ETFB: variants seen among roughly 807,000 people sequenced by gnomAD.
ETFB encodes electron transfer flavoprotein subunit beta.
ETFB carries 20 observed loss-of-function variants against 25.6 expected under a neutral mutation model. The observed-to-expected ratio is 0.78, with a 90% CI of 0.55 to 1.14. The LOEUF is 1.14. Ranked by LOEUF, ETFB falls within the 50% of genes most tolerant of loss-of-function variation. ETFB has a pLI of 0.00. For synonymous variants in ETFB, 142 were observed against 146.7 expected (o/e 0.97, Z 0.23); for missense variants, 286 against 342.6 (o/e 0.83, Z 1.30).
chr19:51,361,708 T>G (rs959256201), intron 1 of ETFB: 1 of 144,982 alleles, frequency 6.9e-6, no homozygotes, highest in South Asian at 2.3e-4. Context: ...TTTTTTTTTT[T>G]TTTTTTTTTT....
At chr19:51,364,858 A>T (rs11084074) in intron 1 of ETFB, among the ~76,000 whole-genome samples, 70,723 of 151,984 alleles carry the variant, frequency 0.47, 16,909 homozygotes, top group Non-Finnish European at 0.52. Flanking sequence ...GAGATCTGAC[A>T]GGCCTCAGTT....
At chr19:51,345,610 G>A in intron 5 of ETFB, 1 of 581,836 alleles carries the variant, frequency 1.7e-6, no homozygotes, top group Non-Finnish European at 3.1e-6. Flanking sequence ...TCCTCCTTTA[G>A]GTAACCAAAT....
chr19:51,360,270 C>A (rs1298157816), intron 1 of ETFB, among the ~76,000 whole-genome samples: 1 of 151,684 alleles, frequency 6.6e-6, no homozygotes, highest in African/African-American at 2.4e-5. Flanking sequence ...AGCGTTTTAG[C>A]ACATGCCTGT....
At chr19:51,352,033 T>C (rs1307862247) in intron 3 of ETFB, among the ~76,000 whole-genome samples, 2 of 152,006 alleles carry the variant, frequency 1.3e-5, no homozygotes, top group African/African-American at 4.8e-5. Flanking sequence ...TCAAATGAGA[T>C]GAGCTACCCC....
In ETFB at chr19:51,354,180, G is replaced by A. The variant is rs374583902; in HGVS notation, c.186C>T (p.Ile62=). The change falls in exon 2 of 6, where the codon ATC becomes ATT. Residue 62 remains isoleucine (I), a synonymous_variant. Coordinates refer to ENST00000309244, the MANE Select transcript of ETFB (RefSeq NM_001985.3). ...ACTGTGCAGGCCCACAGCTGACGGC[G>A]ATGACCTCCTTCACCAGCTTCTTCT... ...LKEKKLVKEV[I]AVSCGPAQCQ... The A allele has an allele frequency of 2.8e-5, 45 of 1,613,962 alleles. No individual in the cohort carries two copies. Among genetic ancestry groups the A allele is most frequent in the African/African-American group, 2.0e-4 (15 of 74,886 alleles).
At chr19:51,361,591 C>G (rs1393341243) in intron 1 of ETFB, 1 of 152,056 alleles carries the variant, frequency 6.6e-6, no homozygotes, top group Non-Finnish European at 1.5e-5. Context: ...GGGTTGGGCC[C>G]CGAGATGGAA....
Position 51,346,944 on chromosome 19 carries a change from G to A in ETFB, c.553C>T (p.Leu185=), listed in dbSNP as rs759462503. The A allele has an allele frequency of 3.8e-6, 6 of 1,588,422 alleles. No homozygotes were observed. Among genetic ancestry groups the A allele is most frequent in the Non-Finnish European group, 4.3e-6 (5 of 1,167,380 alleles). The stretch of plus-strand genomic sequence containing the variant: ...GCGTAGCGGGGCTCGTTGAGCCTCA[G>A]GTCAGCTGTCACCACAGCTGGCAGC... ...LKLPAVVTAD[L]RLNEPRYATL... is the part of the protein sequence containing the mutation. Residue 185 remains leucine, a synonymous_variant, in exon 5 of 6, where the codon CTG becomes TTG. Coordinates refer to ENST00000309244, the MANE Select transcript of ETFB (RefSeq NM_001985.3).
At chr19:51,360,189 GTCAGGAGT>G (rs2123605794) in intron 1 of ETFB, among the ~76,000 whole-genome samples, 1 of 152,002 alleles carries the variant, frequency 6.6e-6, no homozygotes, top group Non-Finnish European at 1.5e-5. Context: ...ATCACTTGTG[GTCAGGAGT>G]TCGAGACCAG....
rs1425702306 is a variant in ETFB, at chr19:51,366,262, C to T, written c.57+8G>A. The T allele has an allele frequency of 1.2e-6, 2 of 1,613,828 alleles. No individual in the cohort carries two copies. The highest frequency in any genetic ancestry group is 1.7e-6 in the Non-Finnish European group (2 of 1,179,764). Reference sequence around the variant, plus strand: ...ACTCAGGGATGTGGGAGAGGGGGGCCCGATCACCTTCACGGCGTAGTCGAT... The same window carrying T: ...ACTCAGGGATGTGGGAGAGGGGGGCTCGATCACCTTCACGGCGTAGTCGAT... On this transcript the variant is annotated splice_region_variant and intron_variant, in intron 1 of 5. Coordinates refer to ENST00000309244, the MANE Select transcript of ETFB (RefSeq NM_001985.3).
At chr19:51,347,117 A>G (rs1489174939) in intron 4 of ETFB, 59 bp from the exon 5 acceptor site, 1 of 1,574,802 alleles carries the variant, frequency 6.3e-7, no homozygotes. Flanking sequence ...CGACCCGAGC[A>G]GTCTGCTTAT....
intron 1 of ETFB, chr19:51,355,737 A>T (rs1986063174): frequency 6.6e-6 from 1 of 152,056 alleles, no homozygotes; most frequent in African/African-American, 2.4e-5. Flanking sequence ...TGTGGCACAT[A>T]TACACCATGG....
chr19:51,358,057 G>A (rs1408077293), intron 1 of ETFB, among the ~76,000 whole-genome samples: 1 of 152,190 alleles, frequency 6.6e-6, no homozygotes, highest in East Asian at 1.9e-4. Context: ...TTTGGTTTGG[G>A]GCACAAATTT....
chr19:51,359,962 C>T (rs545182709), intron 1 of ETFB, among the ~76,000 whole-genome samples: 21 of 151,746 alleles, frequency 1.4e-4, no homozygotes, highest in Non-Finnish European at 2.5e-4. Flanking sequence ...GAGGCTGCAG[C>T]GAGCTGTGAC....
At chr19:51,362,162 TACACACACACACACACACACACACAC>T (rs59581815) in intron 1 of ETFB, among the ~76,000 whole-genome samples, 47 of 144,646 alleles carry the variant, frequency 3.2e-4, no homozygotes, top group African/African-American at 1.2e-3. Flanking sequence ...CGGACACACA[TACACACACACACACACACACACACAC>T]ACACACACAC....
intron 1 of ETFB, among the ~76,000 whole-genome samples, chr19:51,358,101 T>C (rs1986127655): frequency 6.6e-6 from 1 of 152,202 alleles, no homozygotes; most frequent in African/African-American, 2.4e-5. Context: ...ACAGAAGCCT[T>C]GCTAGGGAGC....
intron 1 of ETFB, chr19:51,354,617 T>C: frequency 1.2e-6 from 2 of 1,607,834 alleles, no homozygotes; most frequent in South Asian, 2.2e-5. Context: ...GTATTTATGG[T>C]AACCCACAGT....
At chr19:51,361,077 G>A (rs1986213207) in intron 1 of ETFB, among the ~76,000 whole-genome samples, 1 of 151,926 alleles carries the variant, frequency 6.6e-6, no homozygotes, top group Admixed American at 6.6e-5. Flanking sequence ...GGGCCACCGC[G>A]CCCGGCCCAC....
chr19:51,354,455 A>T, intron 1 of ETFB, 147 bp from the exon 2 acceptor site: 1 of 1,614,004 alleles, frequency 6.2e-7, no homozygotes, highest in Non-Finnish European at 8.5e-7. Flanking sequence ...AGCTCCAGGG[A>T]CAGAACTGGG....
rs1986016385 is a variant in ETFB, at chr19:51,354,276, G to T, written c.90C>A (p.Val30=). Residue 30 remains valine, a synonymous_variant, in exon 2 of 6, where the codon GTC becomes GTA. Coordinates refer to ENST00000309244, the MANE Select transcript of ETFB (RefSeq NM_001985.3). ...IRVKPDRTGV[V]TDGVKHSMNP... is the part of the protein sequence containing the mutation. ...TCATGGAGTGCTTCACACCATCCGT[G>T]ACCACACCGGTCCTGTCAGGCTTCA... The T allele has an allele frequency of 1.2e-6, 2 of 1,614,022 alleles. No individual in the cohort carries two copies. Among genetic ancestry groups the T allele is most frequent in the Admixed American group, 3.3e-5 (2 of 60,002 alleles).
Sources: allele counts gnomAD v4.1 joint callset (sites outside exome capture counted in the v4.1 genomes callset), GRCh38; gene constraint gnomAD v4.1.1; transcripts MANE v1.5; gene names NCBI Gene and HGNC (gene_info 2026-07-23, HGNC 2026-07-21).